Variants in KCNH3 observed in about 807,000 individuals in gnomAD.
KCNH3 encodes voltage-gated inwardly rectifying potassium channel KCNH3.
A neutral mutation model predicts 95.6 loss-of-function variants in KCNH3; 36 were observed. That is an observed-to-expected ratio of 0.38 (90% CI 0.29 to 0.50). The LOEUF is 0.50. KCNH3 is among the 20% of genes least tolerant of loss of function. The pLI, the probability that KCNH3 is intolerant of heterozygous loss-of-function variation, is 0.95. For synonymous variants in KCNH3, 620 were observed against 646.3 expected (o/e 0.96, Z 0.62); for missense variants, 1,030 against 1,484.1 (o/e 0.69, Z 5.03).
chr12:49,557,298 GGGAA>G (rs777219652), intron 14 of KCNH3, 39 bp downstream of exon 14: 1 of 1,613,738 alleles, frequency 6.2e-7, no homozygotes, highest in African/African-American at 1.3e-5. Context: ...GGGGCACCAG[GGGAA>G]GGCACTCCAT....
intron 1 of KCNH3, among the ~76,000 whole-genome samples, chr12:49,540,050 G>A (rs989813150): frequency 6.6e-6 from 1 of 152,182 alleles, no homozygotes; most frequent in Non-Finnish European, 1.5e-5. Context: ...CATCAGGACT[G>A]GGGAAGTTTG....
chr12:49,549,726 G>A (rs925398625), intron 9 of KCNH3, 86 bp downstream of exon 9: 22 of 1,343,350 alleles, frequency 1.6e-5, no homozygotes, highest in Admixed American at 1.4e-4. Flanking sequence ...GGGGGAGGAT[G>A]AATGCAGAAT....
At chr12:49,543,241 T>C in intron 4 of KCNH3, 34 bp from the exon 5 acceptor site, 1 of 1,603,556 alleles carries the variant, frequency 6.2e-7, no homozygotes, top group Non-Finnish European at 8.5e-7. Flanking sequence ...CAATATTCTT[T>C]CCTCTCTGCC....
In KCNH3 at chr12:49,543,955, G is replaced by A. The variant is rs760207096; in HGVS notation, c.864G>A (p.Ser288=). The change falls in exon 6 of 15, where the codon TCG becomes TCA. Residue 288 remains serine (S), a synonymous_variant. Coordinates refer to ENST00000257981, the MANE Select transcript of KCNH3 (RefSeq NM_012284.3). ...LNFRTTFVSK[S]GQVVFAPKSI... is the part of the protein sequence containing the mutation. ...TCCGTACCACATTCGTGTCCAAGTC[G>A]GGCCAGGTGGTGTTTGCCCCAAAGT... 2.5e-5 allele frequency: 40 copies of A among 1,612,924 alleles called. No individual in the cohort carries two copies. Among genetic ancestry groups the A allele is most frequent in the African/African-American group, 1.9e-4 (14 of 74,914 alleles).
chr12:49,550,148 G>T lies in KCNH3; in HGVS notation c.1737G>T (p.Gln579His). 6.2e-7 allele frequency: 1 copy of T among 1,604,064 alleles called. No individual in the cohort carries two copies. The change falls in exon 10 of 15, where the codon CAG (glutamine) becomes CAT (histidine). Residue 579 changes from glutamine (Q) to histidine (H), a missense_variant. Gln to His is a conservative substitution (Grantham distance 24, BLOSUM62 0). Transcript: ENST00000257981. ...TGCACCTGCACAAGGAGGTCCTGCA[G>T]CTGCCACTGTTTGAGGCGGCCAGCC... The part of the protein sequence containing the change: ...IAMHLHKEVL[Q>H]LPLFEAASRG...
intron 5 of KCNH3, 90 bp downstream of exon 5, chr12:49,543,608 G>A: frequency 6.7e-7 from 1 of 1,497,032 alleles, no homozygotes; most frequent in East Asian, 2.3e-5. Context: ...GGGTGCTACA[G>A]TGCCCCCCTC....
Position 49,558,253 on chromosome 12 carries a change from T to C in KCNH3, c.*300T>C, listed in dbSNP as rs939886672. 2.5e-6 allele frequency: 1 copy of C among 394,534 alleles called. No individual in the cohort carries two copies. Among genetic ancestry groups the C allele is most frequent in the Non-Finnish European group, 4.5e-6 (1 of 224,564 alleles). 24.4% of individuals were successfully genotyped at this position (394,534 alleles called of 1,614,324 possible). On this transcript the variant is annotated 3_prime_UTR_variant, in exon 15 of 15. Coordinates refer to ENST00000257981, the MANE Select transcript of KCNH3 (RefSeq NM_012284.3). ...CATCCCCTGCATGTGCCCCTGCCTC[T>C]ACCTGTCCCCAAATTTTTATATTAA...
chr12:49,545,985 C>T (rs1204374326), intron 7 of KCNH3, among the ~76,000 whole-genome samples: 1 of 152,066 alleles, frequency 6.6e-6, no homozygotes, highest in African/African-American at 2.4e-5. Flanking sequence ...CAGACGGCCA[C>T]AAGATGGACA....
chr12:49,549,308 T>C, intron 8 of KCNH3, 133 bp from the exon 9 acceptor site: 1 of 1,448,076 alleles, frequency 6.9e-7, no homozygotes, highest in South Asian at 1.3e-5. Context: ...AGGCCGGGGG[T>C]GGGGGAGACT....
At chr12:49,552,965 A>T (rs1938314338) in intron 10 of KCNH3, among the ~76,000 whole-genome samples, 1 of 152,138 alleles carries the variant, frequency 6.6e-6, no homozygotes, top group Non-Finnish European at 1.5e-5. Context: ...GTCCAGGAAC[A>T]TGTAGAGGAG....
At position 49,557,270 on chromosome 12, in the gene KCNH3, G is replaced by A. The variant is rs1024636441; in HGVS notation, c.2652+11G>A. 6 of 1,613,816 alleles carry A rather than the reference G, an allele frequency of 3.7e-6. No individual in the cohort carries two copies. The highest frequency in any genetic ancestry group is 5.1e-6 in the Non-Finnish European group (6 of 1,180,008). On this transcript the variant is annotated intron_variant, in intron 14 of 14. Transcript: ENST00000257981. ...AAGCTTCGGCAGGCGGTGGGTGAGGGGGAAGGTGGAGGTGAGGGGGGCACC... is the reference window on the plus strand; with the variant it reads ...AAGCTTCGGCAGGCGGTGGGTGAGGAGGAAGGTGGAGGTGAGGGGGGCACC...
At chr12:49,550,043 T>TTCCCCCCCCC in intron 9 of KCNH3, 37 bp from the exon 10 acceptor site, 20 of 1,299,536 alleles carry the variant, frequency 1.5e-5, no homozygotes, top group Non-Finnish European at 1.8e-5. Context: ...CTTCTGCCAC[T>TTCCCCCCCCC]CCCAACCCCC....
At chr12:49,552,651 A>C (rs1256855492) in intron 10 of KCNH3, among the ~76,000 whole-genome samples, 2 of 152,224 alleles carry the variant, frequency 1.3e-5, no homozygotes, top group African/African-American at 4.8e-5. Context: ...AAGCATACGC[A>C]AAGTCCGTTG....
Position 49,539,449 on chromosome 12 carries a change from G to A in KCNH3, c.33G>A (p.Gln11=), listed in dbSNP as rs757798624. 6.3e-7 allele frequency: 1 copy of A among 1,575,056 alleles called. No homozygotes were observed. Residue 11 remains glutamine (Q), a synonymous_variant, in exon 1 of 15, where the codon CAG becomes CAA. Transcript: ENST00000257981. The surrounding 1 kb of genome is among the most constrained non-coding windows in gnomAD (Gnocchi z 6.7). ...CCATGCGGGGCCTCCTGGCGCCGCAGAACACCTTCCTGGACACCATCGCTA... is the reference window on the plus strand; with the variant it reads ...CCATGCGGGGCCTCCTGGCGCCGCAAAACACCTTCCTGGACACCATCGCTA... The part of the protein sequence containing the change: MPAMRGLLAP[Q]NTFLDTIATR...
intron 3 of KCNH3, 75 bp downstream of exon 3, chr12:49,541,839 G>A (rs1937881432): frequency 2.0e-6 from 3 of 1,538,164 alleles, no homozygotes; most frequent in Admixed American, 1.9e-5. Context: ...CCCAGTCTGA[G>A]TACGGGGGTC....
intron 7 of KCNH3, among the ~76,000 whole-genome samples, chr12:49,544,911 A>G (rs1232009941): frequency 6.6e-6 from 1 of 151,276 alleles, no homozygotes; most frequent in African/African-American, 2.4e-5. Flanking sequence ...ACTCTCCTTC[A>G]TGTCACCTCC....
intron 13 of KCNH3, 193 bp downstream of exon 13, chr12:49,556,669 G>A (rs760769887): frequency 7.7e-5 from 54 of 700,462 alleles, no homozygotes; most frequent in South Asian, 6.7e-4. Flanking sequence ...TAATTTCGAC[G>A]CAGCCAGGAA....
chr12:49,540,032 G>T (rs1034108797), intron 1 of KCNH3, among the ~76,000 whole-genome samples: 2 of 152,172 alleles, frequency 1.3e-5, no homozygotes, highest in Admixed American at 6.5e-5. Context: ...AGATGGTTTG[G>T]GGACTCCCAT....
At chr12:49,541,527 G>C in intron 2 of KCNH3, 103 bp from the exon 3 acceptor site, 1 of 1,393,950 alleles carries the variant, frequency 7.2e-7, no homozygotes, top group Non-Finnish European at 9.9e-7. Flanking sequence ...GAAACCGCTA[G>C]ATCCTGCCTG....
Sources: allele counts gnomAD v4.1 joint callset (sites outside exome capture counted in the v4.1 genomes callset), GRCh38; gene constraint gnomAD v4.1.1; non-coding constraint Gnocchi (gnomAD v3.1); transcripts MANE v1.5; gene names NCBI Gene and HGNC (gene_info 2026-07-23, HGNC 2026-07-21).